KANK1: variants seen among roughly 807,000 people sequenced by gnomAD.
KANK1 encodes KN motif and ankyrin repeat domain-containing protein 1.
In KANK1, 109 loss-of-function variants were observed where a neutral mutation model predicts 106.2. The ratio of observed to expected loss-of-function variants is 1.03; its 90% CI spans 0.88 to 1.20. KANK1 has a LOEUF of 1.20. Ranked by LOEUF, KANK1 falls within the 50% of genes most tolerant of loss-of-function variation. The pLI is 0.00. For missense variants in KANK1, 2,399 were observed against 1,710.7 expected (o/e 1.40, Z -7.10); for synonymous variants, 873 against 652.2 (o/e 1.34, Z -5.16).
intron 3 of KANK1, among the ~76,000 whole-genome samples, chr9:722,696 G>A (rs1829669402): frequency 6.6e-6 from 1 of 152,168 alleles, no homozygotes; most frequent in Non-Finnish European, 1.5e-5. Flanking sequence ...AATTCCCTCT[G>A]ACTTGACAAA....
chr9:745,291 G>A lies in KANK1; in HGVS notation c.*56G>A, dbSNP rs935474235. The A allele has an allele frequency of 3.1e-6, 5 of 1,604,452 alleles. No individual in the cohort carries two copies. In the African/African-American group the frequency reaches 6.7e-5, roughly 21 times the overall value. ...CACTATTAAGCTGCTAATTGTTCCT[G>A]TTGGGGTGACAGATACTGAATGTAT... On this transcript the variant is annotated 3_prime_UTR_variant, in exon 12 of 12. Transcript: ENST00000382297.
chr9:572,246 C>G (rs1052539229), intron 1 of KANK1, among the ~76,000 whole-genome samples: 5 of 150,080 alleles, frequency 3.3e-5, no homozygotes, highest in African/African-American at 1.2e-4. Flanking sequence ...GCCTTAAACT[C>G]CTGGGCTCAA....
chr9:475,589 A>G (rs2058088965), intron 3 of KANK1, among the ~76,000 whole-genome samples: 1 of 152,184 alleles, frequency 6.6e-6, no homozygotes, highest in African/African-American at 2.4e-5. Flanking sequence ...CCTACAAACC[A>G]AAAATTCTCA....
chr9:742,100 C>T (rs1835744796), intron 9 of KANK1, 105 bp from the exon 10 acceptor site: 6 of 981,930 alleles, frequency 6.1e-6, no homozygotes, highest in Non-Finnish European at 7.8e-6. Context: ...AGTTCTTTCC[C>T]TTCTGTCACC....
chr9:712,105 G>A lies in KANK1; in HGVS notation c.1339G>A (p.Val447Met). Residue 447 changes from valine (V) to methionine (M), a missense_variant, in exon 3 of 12, where the codon GTG (valine) becomes ATG (methionine). Physicochemically the swap from Val to Met is conservative, Grantham distance 21. Transcript: ENST00000382297. Reference sequence around the variant, plus strand: ...CAGCGTGACAGAGGCCATGCTTGGAGTGATGACTGAAGCTGACAAAGAAAT... The same window carrying A: ...CAGCGTGACAGAGGCCATGCTTGGAATGATGACTGAAGCTGACAAAGAAAT... ...GVSVTEAMLG[V>M]MTEADKEIEL... 6.2e-7 allele frequency: 1 copy of A among 1,614,156 alleles called. No homozygotes were observed. Among genetic ancestry groups the A allele is most frequent in the South Asian group, 1.1e-5 (1 of 91,082 alleles).
At chr9:574,922 C>G (rs1294274557) in intron 1 of KANK1, among the ~76,000 whole-genome samples, 9 of 150,426 alleles carry the variant, frequency 6.0e-5, no homozygotes, top group Non-Finnish European at 1.2e-4. Context: ...TAAGTTGAAA[C>G]CTGTGTTTGC....
rs35143391 is a variant in KANK1 at position 521,565 on chromosome 9, C to CTTT, written c.-84+16828_-84+16830dup. Reference sequence around the variant, plus strand: ...CTCTACTTTCTTTTCCCTCCAGATTCTTTTTTTTTTTTTTTTTTTGGAGAC... The same window carrying CTTT: ...CTCTACTTTCTTTTCCCTCCAGATTCTTTTTTTTTTTTTTTTTTTTTTGGAGAC... On this transcript the variant is annotated intron_variant, in intron 1 of 11. Coordinates refer to ENST00000382297, the MANE Select transcript of KANK1 (RefSeq NM_015158.5). Among the ~76,000 whole-genome samples the CTTT allele has an allele frequency of 7.4e-4, 88 of 118,764 alleles. 2 individuals are homozygous for CTTT. Among genetic ancestry groups the CTTT allele is most frequent in the African/African-American group, 2.6e-3 (80 of 30,824 alleles). 77.9% of individuals were successfully genotyped at this position (118,764 alleles called of 152,430 possible).
At chr9:565,197 A>G (rs529611470) in intron 1 of KANK1, among the ~76,000 whole-genome samples, 3 of 152,340 alleles carry the variant, frequency 2.0e-5, no homozygotes, top group Admixed American at 1.3e-4. Flanking sequence ...GAGAACATCT[A>G]TTCCTGTTAA....
rs571345661 is a variant in KANK1, at chr9:588,764, C to G, written c.-84+84010C>G. Among the ~76,000 whole-genome samples the G allele has an allele frequency of 7.0e-4, 107 of 152,142 alleles. 1 individual carries two copies. In the South Asian group the frequency reaches 0.021, roughly 30 times the overall value. On this transcript the variant is annotated intron_variant, in intron 1 of 11. Transcript: ENST00000382297. ...GACTGTAGAGTTAGATGCCTGGGTT[C>G]AAATCATGACTGTGCTGTGCCTCAA... is the stretch of plus-strand genomic sequence containing the variant.
chr9:728,334 A>G (rs1589240294), intron 3 of KANK1, among the ~76,000 whole-genome samples: 2 of 152,240 alleles, frequency 1.3e-5, no homozygotes, highest in East Asian at 3.9e-4. Context: ...AGTAGCTGGG[A>G]CTACAGGCAC....
intron 1 of KANK1, among the ~76,000 whole-genome samples, chr9:600,726 C>G (rs915665638): frequency 1.3e-5 from 2 of 151,818 alleles, no homozygotes; most frequent in African/African-American, 4.9e-5. Flanking sequence ...TGCTGGCAGT[C>G]ATTTTTAAAT....
intron 1 of KANK1, among the ~76,000 whole-genome samples, chr9:599,017 AT>A (rs199657409): frequency 3.1e-5 from 4 of 129,746 alleles, no homozygotes; most frequent in Non-Finnish European, 5.1e-5. Flanking sequence ...ATTTATTATT[AT>A]TATTTTTTTT....
rs534929858 is a variant in KANK1, at chr9:490,117, G to A, written c.-362+16844G>A. On this transcript the variant is annotated intron_variant, in intron 3 of 15. Coordinates refer to the KANK1 transcript ENST00000382303. Reference sequence around the variant, plus strand: ...TGGCCAGCGGAAATACTTCAATCCTGACCAGGTTTTTCTGACTTCTAAGTT... The same window carrying A: ...TGGCCAGCGGAAATACTTCAATCCTAACCAGGTTTTTCTGACTTCTAAGTT... Among the ~76,000 whole-genome samples the A allele has an allele frequency of 1.6e-3, 246 of 152,304 alleles. 1 individual carries two copies. The highest frequency in any genetic ancestry group is 5.7e-3 in the African/African-American group (235 of 41,552).
chr9:625,068 G>A (rs1834027440), intron 1 of KANK1, among the ~76,000 whole-genome samples: 1 of 152,144 alleles, frequency 6.6e-6, no homozygotes, highest in African/African-American at 2.4e-5. Flanking sequence ...GGTCTGAAAG[G>A]TGCTCCTAAG....
chr9:567,460 G>A lies in KANK1; in HGVS notation c.-84+62706G>A, dbSNP rs115216840. ...TTAAACTATAAACTAAATTTTCCCC[G>A]AAGTTAGCTTTGCCCATGCCCAGGA... is the stretch of plus-strand genomic sequence containing the variant. On this transcript the variant is annotated intron_variant, in intron 1 of 11. Coordinates refer to ENST00000382297, the MANE Select transcript of KANK1 (RefSeq NM_015158.5). 6.7e-3 allele frequency among the ~76,000 whole-genome samples: 1,018 copies of A among 152,306 alleles called. 14 individuals carry two copies. The highest frequency in any genetic ancestry group is 0.023 in the African/African-American group (972 of 41,564).
At chr9:511,271 A>G (rs1379833972) in intron 1 of KANK1, among the ~76,000 whole-genome samples, 1 of 152,198 alleles carries the variant, frequency 6.6e-6, no homozygotes, top group Non-Finnish European at 1.5e-5. Context: ...CTTGACACAT[A>G]ATACCATGGT....
rs779437357 is a variant in KANK1 at position 742,185 on chromosome 9, C to G, written c.3697-20C>G. The G allele has an allele frequency of 1.6e-5, 25 of 1,611,928 alleles. No individual in the cohort carries two copies. In the South Asian group the frequency reaches 2.0e-4, roughly 13 times the overall value. On this transcript the variant is annotated intron_variant, in intron 9 of 11. Transcript: ENST00000382297. The stretch of plus-strand genomic sequence containing the variant: ...CAGCTCAGTACGTACTTCTGAAGTC[C>G]TTGTCATCTCTTCCCATAGGCGGGA...
intron 1 of KANK1, among the ~76,000 whole-genome samples, chr9:671,860 A>AT (rs1402117094): frequency 2.0e-5 from 3 of 151,874 alleles, no homozygotes; most frequent in Non-Finnish European, 4.4e-5. Context: ...AGGCAGGAGA[A>AT]TCACCTGAAC....
At chr9:498,557 A>G (rs2058493517) in intron 3 of KANK1, among the ~76,000 whole-genome samples, 1 of 152,250 alleles carries the variant, frequency 6.6e-6, no homozygotes, top group Admixed American at 6.5e-5. Flanking sequence ...ATCACTTATC[A>G]GATATGAATA....
Sources: allele counts gnomAD v4.1 joint callset (sites outside exome capture counted in the v4.1 genomes callset), GRCh38; gene constraint gnomAD v4.1.1; transcripts MANE v1.5; gene names NCBI Gene and HGNC (gene_info 2026-07-23, HGNC 2026-07-21).